Variants in LIN7A observed in about 807,000 individuals in gnomAD.
LIN7A encodes the protein lin-7 cell polarity scaffold A.
Under a neutral mutation model 29.8 loss-of-function variants are expected in LIN7A, and 25 were observed. The ratio of observed to expected loss-of-function variants is 0.84; its 90% CI spans 0.61 to 1.17. LIN7A has a LOEUF of 1.17. Ranked by LOEUF, LIN7A falls within the 50% of genes most tolerant of loss-of-function variation. The pLI, the probability that LIN7A is intolerant of heterozygous loss-of-function variation, is 0.00. For missense variants in LIN7A, 239 were observed against 287.0 expected (o/e 0.83, Z 1.21); for synonymous variants, 118 against 107.5 (o/e 1.10, Z -0.60).
intron 1 of LIN7A, among the ~76,000 whole-genome samples, chr12:80,923,577 C>T (rs1392009569): frequency 2.0e-5 from 3 of 152,224 alleles, no homozygotes; most frequent in Non-Finnish European, 4.4e-5. Context: ...ACCAACATTG[C>T]TATGTAAGTT....
intron 2 of LIN7A, among the ~76,000 whole-genome samples, chr12:80,885,296 G>A (rs1166466591): frequency 6.6e-6 from 1 of 152,098 alleles, no homozygotes; most frequent in Non-Finnish European, 1.5e-5. Context: ...ACAGCATGAA[G>A]CTAAAGCTTG....
At chr12:80,831,425 A>C (rs1872343233) in intron 4 of LIN7A, among the ~76,000 whole-genome samples, 1 of 152,198 alleles carries the variant, frequency 6.6e-6, no homozygotes, top group Non-Finnish European at 1.5e-5. Context: ...TAAATAATTG[A>C]TAATGCATCA....
intron 1 of LIN7A, among the ~76,000 whole-genome samples, chr12:80,896,622 C>T (rs924199006): frequency 6.6e-6 from 1 of 152,112 alleles, no homozygotes; most frequent in Non-Finnish European, 1.5e-5. Context: ...AATTGGCAAA[C>T]CCAAAGAAGA....
intron 2 of LIN7A, among the ~76,000 whole-genome samples, chr12:80,873,906 A>G (rs1874553120): frequency 6.6e-6 from 1 of 151,682 alleles, no homozygotes; most frequent in Admixed American, 6.6e-5. Context: ...ATGCCTCTTA[A>G]ATTACTGCTA....
At chr12:80,923,214 T>C (rs989501407) in intron 1 of LIN7A, among the ~76,000 whole-genome samples, 1 of 152,198 alleles carries the variant, frequency 6.6e-6, no homozygotes, top group Non-Finnish European at 1.5e-5. Context: ...GTTTCTCTGG[T>C]TTCTGGACTC....
intron 5 of LIN7A, among the ~76,000 whole-genome samples, chr12:80,798,786 C>CT (rs200030464): frequency 0.24 from 34,252 of 144,798 alleles, 4,085 homozygotes; most frequent in Non-Finnish European, 0.27. Flanking sequence ...AGACTGAGTT[C>CT]TTTTTTTTTT....
chr12:80,826,529 C>G (rs577488816), intron 4 of LIN7A, among the ~76,000 whole-genome samples: 6 of 152,194 alleles, frequency 3.9e-5, no homozygotes, highest in African/African-American at 1.4e-4. Flanking sequence ...AGTTACTTTA[C>G]TCCTTTTTTT....
At chr12:80,808,679 G>A (rs1269077153) in intron 5 of LIN7A, among the ~76,000 whole-genome samples, 1 of 151,332 alleles carries the variant, frequency 6.6e-6, no homozygotes, top group African/African-American at 2.4e-5. Flanking sequence ...CTAATTTTTT[G>A]TATTTTTAGT....
At chr12:80,809,703 G>A (rs1265953986) in intron 5 of LIN7A, among the ~76,000 whole-genome samples, 1 of 152,086 alleles carries the variant, frequency 6.6e-6, no homozygotes, top group African/African-American at 2.4e-5. Context: ...AGGGCATAGG[G>A]CATAGTAGGA....
At chr12:80,797,798 T>C (rs1024813255) in intron 5 of LIN7A, 72 bp from the exon 6 acceptor site, 4 of 152,580 alleles carry the variant, frequency 2.6e-5, no homozygotes, top group African/African-American at 9.7e-5. Context: ...GCTAAAAATA[T>C]CAAAAGAGCA....
chr12:80,894,680 G>A (rs1875793924), intron 1 of LIN7A, among the ~76,000 whole-genome samples: 1 of 152,078 alleles, frequency 6.6e-6, no homozygotes, highest in South Asian at 2.1e-4. Context: ...CTGTTTTTTA[G>A]TACTCATCTC....
chr12:80,932,550 A>G (rs749451021), intron 1 of LIN7A, among the ~76,000 whole-genome samples: 9 of 152,236 alleles, frequency 5.9e-5, no homozygotes, highest in Admixed American at 2.0e-4. Flanking sequence ...GAAGCTACTA[A>G]TCATGTCATA....
intron 1 of LIN7A, among the ~76,000 whole-genome samples, chr12:80,895,032 C>T (rs1875814944): frequency 6.6e-6 from 1 of 152,004 alleles, no homozygotes; most frequent in Admixed American, 6.6e-5. Context: ...AAAAGGGATT[C>T]AAAATAAAAT....
chr12:80,802,678 T>C (rs1275816477), intron 5 of LIN7A, among the ~76,000 whole-genome samples: 1 of 151,978 alleles, frequency 6.6e-6, no homozygotes, highest in Non-Finnish European at 1.5e-5. Flanking sequence ...TTTTTTTTTT[T>C]TTTAGAGATG....
chr12:80,796,699 T>C lies in LIN7A; in HGVS notation c.*1028A>G, dbSNP rs936504844. The C allele has an allele frequency of 2.0e-5, 3 of 152,102 alleles. No homozygotes were observed. Among genetic ancestry groups the C allele is most frequent in the Non-Finnish European group, 4.4e-5 (3 of 68,016 alleles). 9.4% of individuals were successfully genotyped at this position (152,102 alleles called of 1,614,324 possible). A position where few individuals can be genotyped will look rare whatever the true frequency, so the allele number is the denominator to read the frequency against. On this transcript the variant is annotated 3_prime_UTR_variant, in exon 6 of 6. Transcript: ENST00000552864. Reference sequence around the variant, plus strand: ...ACTTTGTGTGACACAAATATTTGAATATATATGCACATATAATTTAGTTTT... The same window carrying C: ...ACTTTGTGTGACACAAATATTTGAACATATATGCACATATAATTTAGTTTT...
intron 2 of LIN7A, among the ~76,000 whole-genome samples, chr12:80,880,864 A>C (rs1295391161): frequency 1.3e-5 from 2 of 152,108 alleles, no homozygotes; most frequent in African/African-American, 2.4e-5. Context: ...GTTTTCACTC[A>C]GTTGCATGCC....
intron 5 of LIN7A, among the ~76,000 whole-genome samples, chr12:80,804,243 T>C (rs1032130892): frequency 6.6e-6 from 1 of 152,162 alleles, no homozygotes; most frequent in African/African-American, 2.4e-5. Context: ...ACTCATTTAG[T>C]TATTTTTAAG....
intron 2 of LIN7A, among the ~76,000 whole-genome samples, chr12:80,849,565 C>T (rs1873229811): frequency 6.6e-6 from 1 of 152,116 alleles, no homozygotes; most frequent in South Asian, 2.1e-4. Flanking sequence ...CTGACCATGT[C>T]CCTGCTGTGC....
At chr12:80,858,194 A>G (rs901866865) in intron 2 of LIN7A, among the ~76,000 whole-genome samples, 1 of 152,192 alleles carries the variant, frequency 6.6e-6, no homozygotes, top group Non-Finnish European at 1.5e-5. Context: ...AGTAAATAGA[A>G]TATACTTTGC....
Sources: gnomAD v4.1 joint callset for allele counts (sites outside exome capture counted in the v4.1 genomes callset) on GRCh38, gnomAD v4.1.1 for gene constraint, MANE v1.5 for transcripts, NCBI Gene and HGNC (gene_info 2026-07-23, HGNC 2026-07-21) for gene names.